The following RRP36 variants were observed in gnomAD, a reference collection of about 807,000 sequenced individuals.
RRP36 encodes the protein ribosomal RNA processing 36.
Under a neutral mutation model 39.8 loss-of-function variants are expected in RRP36, and 44 were observed. The observed-to-expected ratio is 1.10, with a 90% CI of 0.87 to 1.42. The LOEUF (loss-of-function observed/expected upper bound fraction) is 1.42, where lower values mean the gene tolerates loss of function less well. RRP36 is among the 40% of genes most tolerant of loss of function. RRP36 has a pLI of 0.00. For synonymous variants in RRP36, 124 were observed against 123.1 expected (o/e 1.01, Z -0.05); for missense variants, 316 against 322.4 (o/e 0.98, Z 0.15).
Position 43,027,237 on chromosome 6 carries a change from A to G in RRP36, c.510A>G (p.Gln170=), listed in dbSNP as rs766168070. Residue 170 remains glutamine, a synonymous_variant, in exon 5 of 7, where the codon CAA becomes CAG. Transcript: ENST00000244496. ...GAGAGGAGCATGAGAAACTGCAGCA[A>G]CTGCTTCAGCGAATGGTGAGTGGGT... ...LSGEEHEKLQ[Q]LLQRMEQQEM... The G allele has an allele frequency of 1.9e-6, 3 of 1,614,196 alleles. No individual in the cohort carries two copies. Among genetic ancestry groups the G allele is most frequent in the Non-Finnish European group, 1.7e-6 (2 of 1,179,984 alleles).
chr6:43,028,117 G>A (rs1262716840), intron 6 of RRP36, among the ~76,000 whole-genome samples: 1 of 152,120 alleles, frequency 6.6e-6, no homozygotes, highest in East Asian at 1.9e-4. Flanking sequence ...CACGAGGTCA[G>A]GAGTTCGAGA....
Position 43,029,446 on chromosome 6 carries a change from C to CA in RRP36, c.*219dup, listed in dbSNP as rs1447674818. ...ACACAGCCTCAGCTTGAATCTGGTT[C>CA]ATTGCGTCCTCGTGTTCTTCTCTCA... On this transcript the variant is annotated 3_prime_UTR_variant, in exon 7 of 7. Coordinates refer to ENST00000244496, the MANE Select transcript of RRP36 (RefSeq NM_033112.4). The CA allele has an allele frequency of 4.2e-6, 2 of 479,282 alleles. No individual in the cohort carries two copies. The highest frequency in any genetic ancestry group is 3.9e-5 in the African/African-American group (2 of 51,560). The allele number at this position is 479,282 out of a possible 1,614,324, so 29.7% of individuals were successfully genotyped here.
At chr6:43,025,713 C>T (rs769247403) in intron 3 of RRP36, among the ~76,000 whole-genome samples, 1 of 151,182 alleles carries the variant, frequency 6.6e-6, no homozygotes, top group African/African-American at 2.4e-5. Flanking sequence ...GGGCGAATCA[C>T]GAGGTCAGGA....
chr6:43,025,982 TCA>T (rs1762806901), intron 3 of RRP36, 53 bp from the exon 4 acceptor site: 1 of 1,332,212 alleles, frequency 7.5e-7, no homozygotes, highest in African/African-American at 1.5e-5. Context: ...GCACTTTTTC[TCA>T]GTGAAAGGAG....
At chr6:43,023,964 C>T (rs1216007056) in intron 1 of RRP36, among the ~76,000 whole-genome samples, 1 of 151,318 alleles carries the variant, frequency 6.6e-6, no homozygotes, top group African/African-American at 2.4e-5. Context: ...TCAAGCTCTT[C>T]TCCCGCCTCA....
chr6:43,023,399 A>T (rs889566226), intron 1 of RRP36, among the ~76,000 whole-genome samples: 2 of 152,038 alleles, frequency 1.3e-5, no homozygotes, highest in South Asian at 2.1e-4. Flanking sequence ...ACCTTTTTTC[A>T]AAATAAATAA....
intron 1 of RRP36, 83 bp from the exon 2 acceptor site, chr6:43,024,902 A>G (rs764388474): frequency 6.6e-7 from 1 of 1,515,540 alleles, no homozygotes. Flanking sequence ...AGGATTAGCT[A>G]GCTAAGGAAT....
chr6:43,024,497 G>T (rs1762776399), intron 1 of RRP36, among the ~76,000 whole-genome samples: 1 of 152,176 alleles, frequency 6.6e-6, no homozygotes, highest in African/African-American at 2.4e-5. Context: ...TTATGTGTGG[G>T]AGTGATAAGA....
chr6:43,029,307 C>T lies in RRP36; in HGVS notation c.*79C>T, dbSNP rs1427471606. Reference sequence around the variant, plus strand: ...GACAGATTTGGCCACGGCTGGTTTCCGTTCAAGGGCAAGGATCACAGCTGC... The same window carrying T: ...GACAGATTTGGCCACGGCTGGTTTCTGTTCAAGGGCAAGGATCACAGCTGC... On this transcript the variant is annotated 3_prime_UTR_variant, in exon 7 of 7. Coordinates refer to ENST00000244496, the MANE Select transcript of RRP36 (RefSeq NM_033112.4). 9 of 1,538,984 alleles carry T rather than the reference C, an allele frequency of 5.8e-6. No individual in the cohort carries two copies. Among genetic ancestry groups the T allele is most frequent in the East Asian group, 2.3e-5 (1 of 44,188 alleles).
chr6:43,027,725 AAC>A (rs1236890689), intron 6 of RRP36, among the ~76,000 whole-genome samples: 3 of 7,542 alleles, frequency 4.0e-4, no homozygotes, highest in South Asian at 0.011. Flanking sequence ...CCCCCCCCCC[AAC>A]ACACACACAG....
chr6:43,026,970 G>A (rs1762822419), intron 4 of RRP36, among the ~76,000 whole-genome samples: 1 of 152,144 alleles, frequency 6.6e-6, no homozygotes, highest in Non-Finnish European at 1.5e-5. Context: ...GGAGGCTGAG[G>A]CAGGGGAATT....
chr6:43,026,019 T>G lies in RRP36; in HGVS notation c.346-18T>G. On this transcript the variant is annotated intron_variant, in intron 3 of 6. Coordinates refer to ENST00000244496, the MANE Select transcript of RRP36 (RefSeq NM_033112.4). ...GATTGAACAGTTGTGTTTTATATTC[T>G]CTCTCTTCTCTCCAAAGGTAGCCCG... 1 of 1,569,912 alleles carries G rather than the reference T, an allele frequency of 6.4e-7. No individual in the cohort carries two copies. The highest frequency in any genetic ancestry group is 8.8e-7 in the Non-Finnish European group (1 of 1,140,886).
rs1282320063 is a variant in RRP36 at position 43,021,707 on chromosome 6, G to A, written c.53G>A (p.Arg18His). The stretch of plus-strand genomic sequence containing the variant: ...GCCGGGGCCGGGGCCGGGGCCCGAC[G>A]TCCCCGCGGGGCCCGGGACCGCGAG... Reference protein sequence around the residue: ...AGAGAGAGARRPRGARDREED... With the variant: ...AGAGAGAGARHPRGARDREED... Residue 18 changes from arginine (R) to histidine (H), a missense_variant, in exon 1 of 7, where the codon CGT becomes CAT. Arg to His is a conservative substitution (Grantham distance 29). Coordinates refer to ENST00000244496, the MANE Select transcript of RRP36 (RefSeq NM_033112.4). The A allele has an allele frequency of 1.7e-6, 2 of 1,194,644 alleles. No individual in the cohort carries two copies. Among genetic ancestry groups the A allele is most frequent in the East Asian group, 3.5e-5 (1 of 28,414 alleles). The allele number at this position is 1,194,644 out of a possible 1,614,324, so 74.0% of individuals were successfully genotyped here.
In RRP36 at chr6:43,026,042, C is replaced by G. The variant is rs1163107474; in HGVS notation, c.351C>G (p.Ala117=). 34 of 1,611,674 alleles carry G rather than the reference C, an allele frequency of 2.1e-5. No individual in the cohort carries two copies. The highest frequency in any genetic ancestry group is 2.8e-5 in the Non-Finnish European group (33 of 1,178,112). Residue 117 remains alanine (A), a synonymous_variant, in exon 4 of 7, where the codon GCC becomes GCG. Transcript: ENST00000244496. The part of the protein sequence containing the change: ...RQVVPISKKV[A]RDPRFDDLSG... ...TCTCTCTCTTCTCTCCAAAGGTAGC[C>G]CGGGACCCTCGCTTTGATGATCTGT...
At chr6:43,022,036 C>T (rs1762725728) in intron 1 of RRP36, among the ~76,000 whole-genome samples, 1 of 152,050 alleles carries the variant, frequency 6.6e-6, no homozygotes, top group Non-Finnish European at 1.5e-5. Flanking sequence ...AGCATGGAGG[C>T]AGGAAAAGGC....
intron 1 of RRP36, among the ~76,000 whole-genome samples, chr6:43,022,392 C>A (rs1762735689): frequency 6.6e-6 from 1 of 151,922 alleles, no homozygotes; most frequent in Non-Finnish European, 1.5e-5. Context: ...GCCACTGCGC[C>A]CAGCCTGTTT....
intron 3 of RRP36, 21 bp downstream of exon 3, chr6:43,025,350 C>A: frequency 6.2e-7 from 1 of 1,610,562 alleles, no homozygotes; most frequent in Non-Finnish European, 8.5e-7. Context: ...AGGCCAGGCA[C>A]TGTGGCTCAC....
chr6:43,024,841 A>T, intron 1 of RRP36, 144 bp from the exon 2 acceptor site: 1 of 998,012 alleles, frequency 1.0e-6, no homozygotes, highest in Non-Finnish European at 1.4e-6. Context: ...TAACACTATC[A>T]CAGCCTCTGC....
intron 6 of RRP36, among the ~76,000 whole-genome samples, chr6:43,027,800 A>ACACAT (rs1561864061): frequency 1.9e-5 from 2 of 103,742 alleles, no homozygotes; most frequent in Non-Finnish European, 3.9e-5. Context: ...CACACACACA[A>ACACAT]ACACAGAGTC....
Sources: allele counts gnomAD v4.1 joint callset (sites outside exome capture counted in the v4.1 genomes callset), GRCh38; gene constraint gnomAD v4.1.1; transcripts MANE v1.5; gene names NCBI Gene and HGNC (gene_info 2026-07-23, HGNC 2026-07-21).